The following CNTNAP2 variants were observed in gnomAD, a reference collection of about 807,000 sequenced individuals.
The protein encoded by CNTNAP2 is contactin-associated protein-like 2.
CNTNAP2 carries 98 observed loss-of-function variants against 155.2 expected under a neutral mutation model. The ratio of observed to expected loss-of-function variants is 0.63; its 90% CI spans 0.54 to 0.75. The LOEUF (loss-of-function observed/expected upper bound fraction) is 0.75. Among genes scored for constraint, CNTNAP2 ranks in the 30% least tolerant of loss-of-function variants. The pLI, the probability that CNTNAP2 is intolerant of heterozygous loss-of-function variation, is 0.00. For synonymous variants in CNTNAP2, 651 were observed against 631.2 expected, an observed-to-expected ratio of 1.03 and a Z score of -0.47; for missense variants, 1,727 against 1,688.1, an observed-to-expected ratio of 1.02 and a Z score of -0.40.
In CNTNAP2 at chr7:147,267,315, A is replaced by G. The variant is rs111503656; in HGVS notation, c.1349-32826A>G. ...AGTAATGAAAAGCATGGAAATTCAA[A>G]AGACAACAGTGAAAGTAATGGAAAA... On this transcript the variant is annotated intron_variant, in intron 8 of 23. Coordinates refer to ENST00000361727, the MANE Select transcript of CNTNAP2 (RefSeq NM_014141.6). Among the ~76,000 whole-genome samples the G allele has an allele frequency of 7.0e-3, 1,064 of 152,318 alleles. 19 individuals carry two copies. The highest frequency in any genetic ancestry group is 0.024 in the African/African-American group (1,013 of 41,566).
chr7:148,137,684 GGAAGGAA>G (rs1563211712), intron 16 of CNTNAP2, among the ~76,000 whole-genome samples: 32 of 102,224 alleles, frequency 3.1e-4, no homozygotes, highest in African/African-American at 1.3e-3. Flanking sequence ...AAGGAAGGAA[GGAAGGAA>G]GGAAGGAAGG....
chr7:147,023,159 A>C (rs1798845003), intron 3 of CNTNAP2, among the ~76,000 whole-genome samples: 1 of 152,180 alleles, frequency 6.6e-6, no homozygotes, highest in Non-Finnish European at 1.5e-5. Flanking sequence ...AAGAGGAAGA[A>C]GCCTGAGATG....
At chr7:147,838,060 A>G (rs190789207) in intron 13 of CNTNAP2, among the ~76,000 whole-genome samples, 64 of 152,316 alleles carry the variant, frequency 4.2e-4, no homozygotes, top group Middle Eastern at 3.4e-3. Context: ...TGACTTCTGT[A>G]TACCTTCAGG....
In CNTNAP2 at chr7:148,420,029, C is replaced by T. The variant is rs1800079242; in HGVS notation, c.*4413C>T. The T allele has an allele frequency of 6.6e-6, 1 of 152,196 alleles. No individual in the cohort carries two copies. Among genetic ancestry groups the T allele is most frequent in the Non-Finnish European group, 1.5e-5 (1 of 68,048 alleles). The allele number at this position is 152,196 out of a possible 1,614,324, so 9.4% of individuals were successfully genotyped here. A position where few individuals can be genotyped will look rare whatever the true frequency, so the allele number is the denominator to read the frequency against. ...CTTTGTGGCTTGTGGTTGAAAGTCA[C>T]ATCAAAAGACAAATGTGGCCACGTT... On this transcript the variant is annotated 3_prime_UTR_variant, in exon 24 of 24. Transcript: ENST00000361727.
chr7:147,789,096 G>T (rs1396194817), intron 13 of CNTNAP2, among the ~76,000 whole-genome samples: 1 of 151,358 alleles, frequency 6.6e-6, no homozygotes, highest in African/African-American at 2.4e-5. Context: ...TAGTAGGGAA[G>T]GGGTTTCACC....
chr7:147,703,937 A>G (rs945761450), intron 13 of CNTNAP2, among the ~76,000 whole-genome samples: 2 of 152,138 alleles, frequency 1.3e-5, no homozygotes, highest in East Asian at 1.9e-4. Context: ...CAGCTCCCAC[A>G]TATGAGTGAG....
chr7:147,882,111 TA>T (rs1230507745), intron 13 of CNTNAP2, among the ~76,000 whole-genome samples: 4 of 152,074 alleles, frequency 2.6e-5, no homozygotes, highest in Non-Finnish European at 4.4e-5. Context: ...TGTGGCAATA[TA>T]ATCCAATTAG....
chr7:147,634,389 G>T (rs1032935870), intron 12 of CNTNAP2, among the ~76,000 whole-genome samples: 1 of 152,192 alleles, frequency 6.6e-6, no homozygotes, highest in Non-Finnish European at 1.5e-5. Flanking sequence ...ACTTGTAAGT[G>T]GGAGCTAATC....
chr7:147,522,106 G>T (rs960970156), intron 11 of CNTNAP2, among the ~76,000 whole-genome samples: 3 of 152,194 alleles, frequency 2.0e-5, no homozygotes, highest in African/African-American at 7.2e-5. Flanking sequence ...AGCAGAAGGG[G>T]CACAAGGAGT....
intron 14 of CNTNAP2, among the ~76,000 whole-genome samples, chr7:147,906,740 GT>G (rs1799964385): frequency 6.6e-6 from 1 of 152,000 alleles, no homozygotes; most frequent in South Asian, 2.1e-4. Context: ...GATTATAGGC[GT>G]GAGCCACGGC....
At chr7:148,038,940 C>T (rs1802620738) in intron 15 of CNTNAP2, among the ~76,000 whole-genome samples, 1 of 152,144 alleles carries the variant, frequency 6.6e-6, no homozygotes, top group South Asian at 2.1e-4. Flanking sequence ...CCACAACAGG[C>T]CCTCTTTTTG....
intron 16 of CNTNAP2, among the ~76,000 whole-genome samples, chr7:148,128,366 T>C (rs1198218445): frequency 6.6e-6 from 1 of 152,166 alleles, no homozygotes; most frequent in African/African-American, 2.4e-5. Flanking sequence ...AAAATAAAAT[T>C]TGAAGACCTG....
At chr7:146,308,168 G>T (rs1800750247) in intron 1 of CNTNAP2, among the ~76,000 whole-genome samples, 1 of 152,082 alleles carries the variant, frequency 6.6e-6, no homozygotes, top group South Asian at 2.1e-4. Flanking sequence ...GTGGGCAAAG[G>T]ATATGAACAG....
intron 1 of CNTNAP2, among the ~76,000 whole-genome samples, chr7:146,721,729 CATTATATATTCTA>C (rs1333894176): frequency 3.0e-4 from 37 of 124,192 alleles, no homozygotes; most frequent in African/African-American, 1.2e-3. Flanking sequence ...ATTCTAAATA[CATTATATATTCTA>C]TATATATATT....
chr7:147,267,542 C>G (rs1340724411), intron 8 of CNTNAP2, among the ~76,000 whole-genome samples: 1 of 126,790 alleles, frequency 7.9e-6, no homozygotes, highest in Non-Finnish European at 1.6e-5. Context: ...CCTATTATGC[C>G]AACCAAGGTT....
chr7:147,826,924 A>G (rs1027250936), intron 13 of CNTNAP2, among the ~76,000 whole-genome samples: 1 of 147,510 alleles, frequency 6.8e-6, no homozygotes. Flanking sequence ...TAAAAGCTGA[A>G]TACATTTTTT....
At chr7:146,951,355 A>G (rs1797310216) in intron 3 of CNTNAP2, among the ~76,000 whole-genome samples, 1 of 152,184 alleles carries the variant, frequency 6.6e-6, no homozygotes, top group South Asian at 2.1e-4. Context: ...TGTTTTACAT[A>G]TGAAGAGTTT....
chr7:146,531,627 C>T (rs1167670090), intron 1 of CNTNAP2, among the ~76,000 whole-genome samples: 2 of 152,110 alleles, frequency 1.3e-5, no homozygotes, highest in Non-Finnish European at 2.9e-5. Flanking sequence ...CTGACTGCAA[C>T]CTCCGCCTCC....
At chr7:148,005,008 G>A (rs887879355) in intron 15 of CNTNAP2, among the ~76,000 whole-genome samples, 2 of 152,186 alleles carry the variant, frequency 1.3e-5, no homozygotes, top group African/African-American at 4.8e-5. Context: ...TCTTTCTTAT[G>A]TACTATCCCC....
Sources: gnomAD v4.1 joint callset for allele counts (sites outside exome capture counted in the v4.1 genomes callset) on GRCh38, gnomAD v4.1.1 for gene constraint, MANE v1.5 for transcripts, NCBI Gene and HGNC (gene_info 2026-07-23, HGNC 2026-07-21) for gene names.